Variants in PITPNM2 observed in about 807,000 individuals in gnomAD.
PITPNM2 encodes the protein membrane-associated phosphatidylinositol transfer protein 2.
Under a neutral mutation model 132.2 loss-of-function variants are expected in PITPNM2, and 35 were observed. The observed-to-expected ratio is 0.26, with a 90% CI of 0.20 to 0.35. PITPNM2 has a LOEUF of 0.35. PITPNM2 is among the 10% of genes least tolerant of loss of function. The pLI is 1.00. For synonymous variants in PITPNM2, 738 were observed against 799.2 expected, an observed-to-expected ratio of 0.92 and a Z score of 1.29; for missense variants, 1,332 against 1,912.0, an observed-to-expected ratio of 0.70 and a Z score of 5.66.
intron 2 of PITPNM2, chr12:123,087,601 T>C (rs990486199): frequency 2.0e-5 from 3 of 152,174 alleles, no homozygotes; most frequent in African/African-American, 7.2e-5. Context: ...CTTAGGCTGC[T>C]GCAATACAGA....
intron 3 of PITPNM2, among the ~76,000 whole-genome samples, chr12:123,019,302 C>T (rs2136308005): frequency 6.6e-6 from 1 of 152,290 alleles, no homozygotes; most frequent in East Asian, 1.9e-4. Context: ...TGTTGCTTGG[C>T]CTGGTGCTGG....
In PITPNM2 at chr12:122,986,418, C is replaced by A. The variant is rs766632455; in HGVS notation, c.3726+18G>T. The A allele has an allele frequency of 3.8e-6, 6 of 1,566,544 alleles. No individual in the cohort carries two copies. The East Asian group carries it at 1.2e-4, about 31-fold the overall frequency. On this transcript the variant is annotated intron_variant, in intron 25 of 25. Transcript: ENST00000320201. ...CGAGCTGCCCGCCTGCACCCGCCCC[C>A]ACAATGCGCCCACTCACCTGGCACT...
At position 123,052,629 on chromosome 12, in the gene PITPNM2, CAAAAT is replaced by C. The variant is rs1443811703; in HGVS notation, c.-95-17949_-95-17945del. 3.3e-5 allele frequency among the ~76,000 whole-genome samples: 5 copies of C among 152,082 alleles called. No individual in the cohort carries two copies. In the East Asian group the frequency reaches 5.8e-4, roughly 18 times the overall value. The stretch of plus-strand genomic sequence containing the variant: ...GCAAGAGCCTTGTCTCAATCAATAA[CAAAAT>C]AAAATAAAATTTTAAAACAGCCAAT... On this transcript the variant is annotated intron_variant, in intron 2 of 25. Transcript: ENST00000320201.
chr12:122,997,357 G>T lies in PITPNM2; in HGVS notation c.1440C>A (p.Pro480=), dbSNP rs780702394. ...CCAGGGCAAAGGCGTCAGAGCAGAC[G>T]GGCGGGCAGGGCACCAGGCGGATGG... The part of the protein sequence containing the change: ...RLAIRLVPCP[P]VCSDAFALVS... Residue 480 remains proline (P), a synonymous_variant, in exon 11 of 26, where the codon CCC becomes CCA. Transcript: ENST00000320201. The T allele has an allele frequency of 6.2e-7, 1 of 1,613,160 alleles. No homozygotes were observed. The highest frequency in any genetic ancestry group is 1.3e-5 in the African/African-American group (1 of 74,936).
At chr12:123,010,511 G>A (rs1238919824) in intron 5 of PITPNM2, among the ~76,000 whole-genome samples, 2 of 152,182 alleles carry the variant, frequency 1.3e-5, no homozygotes, top group African/African-American at 4.8e-5. Context: ...AATACAGGGT[G>A]GGAGGAACAG....
intron 2 of PITPNM2, among the ~76,000 whole-genome samples, chr12:123,102,900 C>A (rs1237568237): frequency 6.6e-6 from 1 of 152,166 alleles, no homozygotes; most frequent in African/African-American, 2.4e-5. Context: ...ACCTTCCTTG[C>A]CCGTTGTATT....
intron 2 of PITPNM2, among the ~76,000 whole-genome samples, chr12:123,086,605 C>T (rs2042119651): frequency 6.6e-6 from 1 of 152,204 alleles, no homozygotes; most frequent in African/African-American, 2.4e-5. Context: ...CTGATTGAAT[C>T]TTTTTGTCCC....
intron 2 of PITPNM2, among the ~76,000 whole-genome samples, chr12:123,086,365 CTT>C (rs969350623): frequency 1.3e-5 from 2 of 152,172 alleles, no homozygotes; most frequent in African/African-American, 4.8e-5. Context: ...GTGTTTGTCT[CTT>C]GGGCTTTTCT....
At chr12:123,026,844 A>G (rs903814915) in intron 3 of PITPNM2, among the ~76,000 whole-genome samples, 2 of 152,196 alleles carry the variant, frequency 1.3e-5, no homozygotes, top group Non-Finnish European at 2.9e-5. Context: ...TCTCTGCTTC[A>G]TCTTTCCTGT....
At chr12:123,138,806 T>C (rs2137634806) in intron 1 of PITPNM2, among the ~76,000 whole-genome samples, 1 of 152,354 alleles carries the variant, frequency 6.6e-6, no homozygotes, top group Non-Finnish European at 1.5e-5. Flanking sequence ...CACTGAATTA[T>C]ATACTTTAAA....
chr12:123,038,968 G>T (rs1191030217), intron 2 of PITPNM2, among the ~76,000 whole-genome samples: 1 of 151,834 alleles, frequency 6.6e-6, no homozygotes, highest in Non-Finnish European at 1.5e-5. Context: ...AAATTAGCTG[G>T]GCAAGGCGGC....
intron 1 of PITPNM2, among the ~76,000 whole-genome samples, chr12:123,131,814 A>G (rs1020893685): frequency 6.6e-6 from 1 of 152,242 alleles, no homozygotes; most frequent in Non-Finnish European, 1.5e-5. Context: ...TGCCAGACAC[A>G]AGGATGAATC....
chr12:123,018,542 C>T (rs1477997122), intron 3 of PITPNM2, among the ~76,000 whole-genome samples: 2 of 151,562 alleles, frequency 1.3e-5, no homozygotes, highest in Admixed American at 6.6e-5. Context: ...CCAAGTGATC[C>T]GCCTGCCTCG....
At position 122,990,727 on chromosome 12, in the gene PITPNM2, C is replaced by T. The variant is rs2038152383; in HGVS notation, c.2405-18G>A. On this transcript the variant is annotated intron_variant, in intron 16 of 25. Transcript: ENST00000320201. ...CACATCCGCTGCAGGTGGACAGGGA[C>T]CAGAGGCCAGGTAAGAGAGGCCCTG... 1 of 1,587,822 alleles carries T rather than the reference C, an allele frequency of 6.3e-7. No individual in the cohort carries two copies. Among genetic ancestry groups the T allele is most frequent in the African/African-American group, 1.3e-5 (1 of 74,708 alleles).
rs542366602 is a variant in PITPNM2 at position 123,032,455 on chromosome 12, G to A, written c.78+2058C>T. Among the ~76,000 whole-genome samples, 13 of 151,986 alleles carry A rather than the reference G, an allele frequency of 8.6e-5. No homozygotes were observed. The East Asian group carries it at 2.1e-3, about 25-fold the overall frequency. ...TCACGATGCTGCACTCCAGCCTGGC[G>A]ACAGAGCAAGACTCCATCTCAAAAA... On this transcript the variant is annotated intron_variant, in intron 3 of 25. Transcript: ENST00000320201.
At position 123,000,066 on chromosome 12, in the gene PITPNM2, G is replaced by A. The variant is rs147634037; in HGVS notation, c.1224+712C>T. 4.2e-3 allele frequency among the ~76,000 whole-genome samples: 633 copies of A among 152,294 alleles called. 6 individuals are homozygous for A. Among genetic ancestry groups the A allele is most frequent in the African/African-American group, 0.013 (537 of 41,556 alleles). ...GAAAACCACAGGAGGGGGAGGCTGT[G>A]TGGATGTCCCTCCTCCTCCCCGCCT... On this transcript the variant is annotated intron_variant, in intron 10 of 25. Transcript: ENST00000320201. The surrounding 1 kb of genome is among the most constrained non-coding windows in gnomAD (Gnocchi z 5.4).
chr12:123,098,734 G>T (rs556509994), intron 2 of PITPNM2, among the ~76,000 whole-genome samples: 1 of 152,208 alleles, frequency 6.6e-6, no homozygotes, highest in East Asian at 1.9e-4. Flanking sequence ...CAGCCACAAG[G>T]TTGGCGAGTG....
At position 122,994,344 on chromosome 12, in the gene PITPNM2, G is replaced by A. The variant is rs146411754; in HGVS notation, c.2233+457C>T. On this transcript the variant is annotated intron_variant, in intron 15 of 25. Transcript: ENST00000320201. The surrounding 1 kb of genome is among the most constrained non-coding windows in gnomAD (Gnocchi z 5.4). ...GGGCAGGGACTGCTGCTCCAATGAC[G>A]CCCAGCCGCTGGCCTGCCTGCCCTG... 8.8e-4 allele frequency among the ~76,000 whole-genome samples: 134 copies of A among 152,300 alleles called. 1 individual carries two copies. The Middle Eastern group carries it at 0.014, about 15-fold the overall frequency.
chr12:123,151,528 G>A (rs1282123555), upstream of PITPNM2, among the ~76,000 whole-genome samples: 1 of 152,196 alleles, frequency 6.6e-6, no homozygotes, highest in African/African-American at 2.4e-5. Flanking sequence ...CCGAAGCCCA[G>A]CCCCGGGCGC....
Sources: allele counts gnomAD v4.1 joint callset (sites outside exome capture counted in the v4.1 genomes callset), GRCh38; gene constraint gnomAD v4.1.1; non-coding constraint Gnocchi (gnomAD v3.1); transcripts MANE v1.5; gene names NCBI Gene and HGNC (gene_info 2026-07-23, HGNC 2026-07-21).